SAMD12: variants seen among roughly 807,000 people sequenced by gnomAD.
SAMD12 encodes the protein sterile alpha motif domain-containing protein 12.
In SAMD12, 9 loss-of-function variants were observed where a neutral mutation model predicts 15.0. The observed-to-expected ratio is 0.60, with a 90% CI of 0.36 to 1.05. The LOEUF (loss-of-function observed/expected upper bound fraction) is 1.05, where lower values mean the gene tolerates loss of function less well. Among genes scored for constraint, SAMD12 ranks in the 50% least tolerant of loss-of-function variants. The pLI is 0.01. For missense variants in SAMD12, 230 were observed against 234.2 expected (o/e 0.98, Z 0.12); for synonymous variants, 86 against 90.1 (o/e 0.96, Z 0.25).
At chr8:118,186,132 T>C (rs1374896050), downstream of SAMD12, among the ~76,000 whole-genome samples, 1 of 152,210 alleles carries the variant, frequency 6.6e-6, no homozygotes, top group African/African-American at 2.4e-5. Context: ...TTTAATGTGC[T>C]AATAGGCATC....
At chr8:118,347,778 C>A (rs1817739355) in intron 4 of SAMD12, among the ~76,000 whole-genome samples, 1 of 152,198 alleles carries the variant, frequency 6.6e-6, no homozygotes. Context: ...CATCATCAAA[C>A]ACACTAGTAA....
intron 4 of SAMD12, among the ~76,000 whole-genome samples, chr8:118,215,914 G>A (rs13282181): frequency 0.5 from 72,444 of 144,956 alleles, 18,341 homozygotes; most frequent in Middle Eastern, 0.6. Flanking sequence ...GAATAATGCC[G>A]CAATAAACAT....
At chr8:118,608,144 G>C (rs141225515) in intron 1 of SAMD12, among the ~76,000 whole-genome samples, 2 of 151,932 alleles carry the variant, frequency 1.3e-5, no homozygotes, top group East Asian at 3.9e-4. Flanking sequence ...TTTGCATCAA[G>C]AGTAGCCTTC....
chr8:118,244,716 C>T (rs1812647094), intron 4 of SAMD12, among the ~76,000 whole-genome samples: 1 of 151,994 alleles, frequency 6.6e-6, no homozygotes, highest in South Asian at 2.1e-4. Context: ...GTGCTCAAAA[C>T]CATAAAAGTT....
At chr8:118,236,246 G>A (rs1174492075) in intron 4 of SAMD12, among the ~76,000 whole-genome samples, 1 of 152,164 alleles carries the variant, frequency 6.6e-6, no homozygotes, top group East Asian at 1.9e-4. Flanking sequence ...ATTTGCCAGC[G>A]AGACCTAGTG....
chr8:118,596,824 T>C (rs993331839), intron 1 of SAMD12, among the ~76,000 whole-genome samples: 7 of 152,130 alleles, frequency 4.6e-5, no homozygotes, highest in African/African-American at 1.7e-4. Context: ...ACTAAGAAAC[T>C]AGCAGAGAAG....
chr8:118,303,965 T>C (rs971388616), intron 4 of SAMD12, among the ~76,000 whole-genome samples: 4 of 152,234 alleles, frequency 2.6e-5, no homozygotes, highest in African/African-American at 7.2e-5. Flanking sequence ...ATGACATTTA[T>C]GGGCTGCTTT....
chr8:118,564,802 C>T (rs574057144), intron 2 of SAMD12, among the ~76,000 whole-genome samples: 8 of 152,296 alleles, frequency 5.3e-5, no homozygotes, highest in South Asian at 4.1e-4. Context: ...CTTGCTTAAA[C>T]GAAGGTTGCT....
At chr8:118,504,651 T>G (rs1255034654) in intron 2 of SAMD12, among the ~76,000 whole-genome samples, 1 of 152,222 alleles carries the variant, frequency 6.6e-6, no homozygotes, top group African/African-American at 2.4e-5. Flanking sequence ...CATCCCGGAT[T>G]GTCCTGGTGG....
At chr8:118,527,683 C>T (rs937206090) in intron 2 of SAMD12, among the ~76,000 whole-genome samples, 41 of 152,136 alleles carry the variant, frequency 2.7e-4, no homozygotes, top group Middle Eastern at 3.4e-3. Flanking sequence ...ATATTAGTTT[C>T]TGGGTTTGTT....
downstream of SAMD12, among the ~76,000 whole-genome samples, chr8:118,374,068 G>A (rs1451468825): frequency 6.6e-6 from 1 of 151,962 alleles, no homozygotes; most frequent in Non-Finnish European, 1.5e-5. Flanking sequence ...GTCATATTAA[G>A]TATATCTAAG....
chr8:118,520,231 AAC>A (rs1055301958), intron 2 of SAMD12, among the ~76,000 whole-genome samples: 4 of 148,174 alleles, frequency 2.7e-5, no homozygotes, highest in Admixed American at 6.7e-5. Context: ...AGAAGAAAAA[AAC>A]ACACATAAAA....
intron 4 of SAMD12, among the ~76,000 whole-genome samples, chr8:118,238,526 A>G (rs1216356673): frequency 6.6e-6 from 1 of 152,126 alleles, no homozygotes; most frequent in African/African-American, 2.4e-5. Flanking sequence ...CCAACCCTTC[A>G]GAGTTCCCTA....
At chr8:118,560,804 A>G (rs948943961) in intron 2 of SAMD12, among the ~76,000 whole-genome samples, 2 of 152,142 alleles carry the variant, frequency 1.3e-5, no homozygotes, top group African/African-American at 4.8e-5. Context: ...AATACCAAGA[A>G]ATTTTAGGCA....
At chr8:118,173,115 T>C in the SAMD12 span, among the ~76,000 whole-genome samples, 6 of 152,268 alleles carry the variant, frequency 3.9e-5, no homozygotes, top group Non-Finnish European at 7.3e-5. Flanking sequence ...CCCTTTCCTG[T>C]TGGACAAGTG....
At chr8:118,236,740 A>G (rs1043049505) in intron 4 of SAMD12, among the ~76,000 whole-genome samples, 8 of 152,286 alleles carry the variant, frequency 5.3e-5, no homozygotes, top group Admixed American at 3.9e-4. Flanking sequence ...TTTACTATCA[A>G]ATTTGGCCCT....
chr8:118,554,224 A>G (rs572097076), intron 2 of SAMD12, among the ~76,000 whole-genome samples: 86 of 152,342 alleles, frequency 5.6e-4, no homozygotes, highest in Non-Finnish European at 9.6e-4. Context: ...CTATAAAGAC[A>G]CATGCACACG....
At chr8:118,263,116 A>G (rs900992569) in intron 4 of SAMD12, among the ~76,000 whole-genome samples, 2 of 151,960 alleles carry the variant, frequency 1.3e-5, no homozygotes, top group Non-Finnish European at 2.9e-5. Context: ...CTCTCCAGCT[A>G]TATTTTTTGA....
At chr8:118,161,712 A>T in the SAMD12 span, among the ~76,000 whole-genome samples, 1 of 14,574 alleles carries the variant, frequency 6.9e-5, no homozygotes, top group Non-Finnish European at 5.2e-4. Context: ...TAAATTATTT[A>T]TTATTATTAT....
Sources: allele counts gnomAD v4.1 joint callset (sites outside exome capture counted in the v4.1 genomes callset), GRCh38; gene constraint gnomAD v4.1.1; transcripts MANE v1.5; gene names NCBI Gene and HGNC (gene_info 2026-07-23, HGNC 2026-07-21).